SOBP: variants seen among roughly 807,000 people sequenced by gnomAD.
The protein encoded by SOBP is sine oculis binding protein homolog.
SOBP carries 4 observed loss-of-function variants against 53.6 expected under a neutral mutation model. That is an observed-to-expected ratio of 0.07 (90% confidence interval 0.04 to 0.17). SOBP has a LOEUF of 0.17. Among genes scored for constraint, SOBP ranks in the 10% least tolerant of loss-of-function variants. The pLI is 1.00. For missense variants in SOBP, 1,088 were observed against 1,204.7 expected (o/e 0.90, Z 1.43); for synonymous variants, 584 against 522.6 (o/e 1.12, Z -1.60).
At chr6:107,524,842 G>A (rs1034956466) in intron 3 of SOBP, among the ~76,000 whole-genome samples, 7 of 152,208 alleles carry the variant, frequency 4.6e-5, no homozygotes, top group Non-Finnish European at 7.3e-5. Context: ...GGAGCAGCAC[G>A]TTCCAGGAGG....
chr6:107,536,914 A>G (rs1784015320), intron 4 of SOBP, among the ~76,000 whole-genome samples: 1 of 152,224 alleles, frequency 6.6e-6, no homozygotes, highest in Admixed American at 6.5e-5. Context: ...AGTTTTTGAA[A>G]CAGCGGGTAA....
At chr6:107,600,111 G>A (rs1786122691) in intron 5 of SOBP, among the ~76,000 whole-genome samples, 2 of 152,014 alleles carry the variant, frequency 1.3e-5, no homozygotes, top group Non-Finnish European at 2.9e-5. Context: ...CCTCTGTCCT[G>A]GCTTTTTTCT....
chr6:107,588,019 C>G (rs1034901699), intron 5 of SOBP, among the ~76,000 whole-genome samples: 1 of 152,162 alleles, frequency 6.6e-6, no homozygotes, highest in Admixed American at 6.5e-5. Context: ...CCTAAATGTT[C>G]TTTTCTTTTC....
At chr6:107,653,463 G>C (rs926351995) in intron 6 of SOBP, among the ~76,000 whole-genome samples, 3 of 152,208 alleles carry the variant, frequency 2.0e-5, no homozygotes, top group African/African-American at 7.2e-5. Context: ...AGACGTGCCC[G>C]AGTGAGTGGA....
chr6:107,601,439 T>A (rs1738344453), intron 5 of SOBP, among the ~76,000 whole-genome samples: 1 of 152,280 alleles, frequency 6.6e-6, no homozygotes, highest in Non-Finnish European at 1.5e-5. Flanking sequence ...TATCAAATAT[T>A]GTAGCAAGAC....
intron 4 of SOBP, among the ~76,000 whole-genome samples, chr6:107,576,351 T>G (rs1392786972): frequency 1.3e-5 from 2 of 152,240 alleles, no homozygotes; most frequent in Non-Finnish European, 2.9e-5. Flanking sequence ...AGGCTGATTT[T>G]AGATCTTTAC....
chr6:107,626,710 G>A (rs1770474897), intron 5 of SOBP, among the ~76,000 whole-genome samples: 1 of 152,212 alleles, frequency 6.6e-6, no homozygotes. Context: ...AAATGGGCAT[G>A]GGACGGCCTG....
At chr6:107,540,858 T>C (rs1784130523) in intron 4 of SOBP, among the ~76,000 whole-genome samples, 1 of 152,190 alleles carries the variant, frequency 6.6e-6, no homozygotes, top group African/African-American at 2.4e-5. Context: ...TGCTCAATGT[T>C]TGAGAGCTGA....
chr6:107,490,575 G>GGCA lies in SOBP; in HGVS notation c.-36_-34dup. ...CGCCGCCACCACCACCGCCGGCGGC[G>GGCA]GCAGCAGCCATTTCATCTCCACAGA... On this transcript the variant is annotated 5_prime_UTR_variant, in exon 1 of 7. Transcript: ENST00000317357. 2 of 1,486,228 alleles carry GGCA rather than the reference G, an allele frequency of 1.3e-6. No homozygotes were observed. Among genetic ancestry groups the GGCA allele is most frequent in the Non-Finnish European group, 1.8e-6 (2 of 1,083,174 alleles). The allele number at this position is 1,486,228 out of a possible 1,614,324, so 92.1% of individuals were successfully genotyped here. A position where few individuals can be genotyped will look rare whatever the true frequency, so the allele number is the denominator to read the frequency against.
rs1338918122 is a variant in SOBP, at chr6:107,634,971, C to G, written c.2127C>G (p.Gly709=). Residue 709 remains glycine (G), a synonymous_variant, in exon 6 of 7, where the codon GGC becomes GGG. Coordinates refer to ENST00000317357, the MANE Select transcript of SOBP (RefSeq NM_018013.4). The surrounding 1 kb of genome is among the most constrained non-coding windows in gnomAD (Gnocchi z 4.5). The part of the protein sequence containing the change: ...SPPAAGDPGP[G]APAGPEAAAA... The stretch of plus-strand genomic sequence containing the variant: ...CCGCCGCCGGCGACCCAGGCCCGGG[C>G]GCCCCGGCGGGCCCCGAGGCGGCCG... 5.2e-5 allele frequency: 53 copies of G among 1,017,536 alleles called. No individual in the cohort carries two copies. The highest frequency in any genetic ancestry group is 6.2e-5 in the Non-Finnish European group (53 of 853,490). 63.0% of individuals were successfully genotyped at this position (1,017,536 alleles called of 1,614,324 possible).
At chr6:107,562,857 C>T (rs1455254199) in intron 4 of SOBP, among the ~76,000 whole-genome samples, 4 of 151,822 alleles carry the variant, frequency 2.6e-5, no homozygotes, top group African/African-American at 9.7e-5. Flanking sequence ...TCAGAATTTT[C>T]AGTAAGAAAA....
intron 4 of SOBP, among the ~76,000 whole-genome samples, chr6:107,563,553 A>G (rs938533379): frequency 2.6e-5 from 4 of 152,176 alleles, no homozygotes; most frequent in African/African-American, 9.7e-5. Flanking sequence ...AAATTTCACA[A>G]AGGAAGCATC....
intron 4 of SOBP, among the ~76,000 whole-genome samples, chr6:107,553,802 A>C (rs1784534360): frequency 1.3e-5 from 2 of 152,000 alleles, no homozygotes; most frequent in Non-Finnish European, 2.9e-5. Flanking sequence ...TTGTACTTTT[A>C]GTAGAGACGA....
At chr6:107,631,839 A>G (rs527466451) in intron 5 of SOBP, among the ~76,000 whole-genome samples, 1 of 152,360 alleles carries the variant, frequency 6.6e-6, no homozygotes, top group East Asian at 1.9e-4. Context: ...CAAAACACGA[A>G]TGTGTGCCAA....
At chr6:107,600,768 A>G (rs1786149417) in intron 5 of SOBP, among the ~76,000 whole-genome samples, 6 of 152,156 alleles carry the variant, frequency 3.9e-5, no homozygotes, top group Admixed American at 3.9e-4. Flanking sequence ...GCCACATACC[A>G]TCATGTTTAC....
intron 1 of SOBP, among the ~76,000 whole-genome samples, chr6:107,491,702 AAGT>A (rs762450700): frequency 2.0e-5 from 3 of 152,204 alleles, no homozygotes; most frequent in Admixed American, 6.5e-5. Flanking sequence ...AGCCATCAAA[AAGT>A]AGCAGGTTTG....
chr6:107,508,471 C>T (rs541380025), intron 3 of SOBP, among the ~76,000 whole-genome samples: 17 of 152,100 alleles, frequency 1.1e-4, no homozygotes, highest in African/African-American at 3.1e-4. Flanking sequence ...CCCAGCTACT[C>T]GGGAGGCTGA....
intron 5 of SOBP, among the ~76,000 whole-genome samples, chr6:107,615,423 G>A (rs1229268915): frequency 6.6e-6 from 1 of 152,166 alleles, no homozygotes; most frequent in African/African-American, 2.4e-5. Context: ...GGAAATCAGA[G>A]GGACAAAGGC....
chr6:107,515,778 C>G (rs1053641993), intron 3 of SOBP, among the ~76,000 whole-genome samples: 20 of 152,184 alleles, frequency 1.3e-4, no homozygotes, highest in African/African-American at 4.3e-4. Flanking sequence ...AACTTCTGTT[C>G]ATCATGAACA....
Sources: gnomAD v4.1 joint callset for allele counts (sites outside exome capture counted in the v4.1 genomes callset) on GRCh38, gnomAD v4.1.1 for gene constraint, Gnocchi (gnomAD v3.1) non-coding constraint, MANE v1.5 for transcripts, NCBI Gene and HGNC (gene_info 2026-07-23, HGNC 2026-07-21) for gene names.